ANXA4: variants seen among roughly 807,000 people sequenced by gnomAD.
ANXA4 encodes 35-beta calcimedin.
Under a neutral mutation model 49.8 loss-of-function variants are expected in ANXA4, and 39 were observed. The observed-to-expected ratio is 0.78, with a 90% confidence interval of 0.61 to 1.02. ANXA4 has a LOEUF of 1.02. ANXA4 is among the 50% of genes least tolerant of loss of function. The probability of loss-of-function intolerance (pLI) is 0.00; values close to 1 mark genes in which losing one functional copy is unlikely to be tolerated. For synonymous variants in ANXA4, 134 were observed against 152.5 expected, an observed-to-expected ratio of 0.88 and a Z score of 0.89; for missense variants, 360 against 410.1, an observed-to-expected ratio of 0.88 and a Z score of 1.05.
chr2:69,807,207 G>A (rs1441048890), intron 5 of ANXA4, among the ~76,000 whole-genome samples: 1 of 151,986 alleles, frequency 6.6e-6, no homozygotes, highest in African/African-American at 2.4e-5. Flanking sequence ...TATAATTGTC[G>A]CTTTTAGTAC....
chr2:69,809,770 G>C (rs892742213), intron 6 of ANXA4: 1 of 152,200 alleles, frequency 6.6e-6, no homozygotes, highest in African/African-American at 2.4e-5. Context: ...GAGCCACTGC[G>C]CTCGGCCGTG....
intron 8 of ANXA4, among the ~76,000 whole-genome samples, chr2:69,813,758 C>CTCTCTT (rs1294748742): frequency 2.4e-5 from 2 of 82,028 alleles, no homozygotes; most frequent in Non-Finnish European, 5.1e-5. Flanking sequence ...CTCTCTCTCT[C>CTCTCTT]TTTTTTTTTT....
intron 1 of ANXA4, among the ~76,000 whole-genome samples, chr2:69,757,011 CCA>C (rs1017625660): frequency 6.7e-6 from 1 of 149,496 alleles, no homozygotes; most frequent in African/African-American, 2.4e-5. Flanking sequence ...ACTACAACCT[CCA>C]CCTCCTAATT....
At chr2:69,646,403 T>C (rs542894616) in intron 1 of ANXA4, among the ~76,000 whole-genome samples, 30 of 152,348 alleles carry the variant, frequency 2.0e-4, no homozygotes, top group African/African-American at 7.2e-4. Flanking sequence ...ATAGTTTACA[T>C]AGAGTGTGTT....
intron 2 of ANXA4, among the ~76,000 whole-genome samples, chr2:69,681,823 G>A (rs1344581815): frequency 2.0e-5 from 3 of 150,536 alleles, no homozygotes; most frequent in Non-Finnish European, 4.4e-5. Flanking sequence ...CTAATTTGGG[G>A]TTTGGATTGT....
chr2:69,752,190 C>A (rs909725868), intron 1 of ANXA4, among the ~76,000 whole-genome samples: 2 of 152,110 alleles, frequency 1.3e-5, no homozygotes, highest in Non-Finnish European at 2.9e-5. Context: ...TTACAGCAGG[C>A]AAGTCCCAGA....
At chr2:69,773,756 C>T (rs1198104327) in intron 1 of ANXA4, among the ~76,000 whole-genome samples, 4 of 151,248 alleles carry the variant, frequency 2.6e-5, no homozygotes, top group East Asian at 1.9e-4. Flanking sequence ...CTCAGCCTCC[C>T]GAGTATCTGG....
chr2:69,716,593 C>T, intron 2 of ANXA4, among the ~76,000 whole-genome samples: 1 of 152,064 alleles, frequency 6.6e-6, no homozygotes, highest in East Asian at 1.9e-4. Context: ...GGGTTTCAAG[C>T]AGTGGTGTGA....
intron 2 of ANXA4, among the ~76,000 whole-genome samples, chr2:69,709,642 C>T (rs566314852): frequency 6.6e-6 from 1 of 152,194 alleles, no homozygotes; most frequent in African/African-American, 2.4e-5. Flanking sequence ...ATGGCAACCT[C>T]GCTAGGTAAC....
chr2:69,774,459 C>T (rs1671885758), intron 1 of ANXA4, among the ~76,000 whole-genome samples: 1 of 151,418 alleles, frequency 6.6e-6, no homozygotes, highest in African/African-American at 2.4e-5. Flanking sequence ...CTGCCTCAGC[C>T]TTCCGAGTAG....
intron 10 of ANXA4, 129 bp downstream of exon 10, chr2:69,818,823 T>C: frequency 1.7e-6 from 1 of 603,426 alleles, no homozygotes. Flanking sequence ...TCATGTTACA[T>C]TCCAGATTTT....
At chr2:69,733,697 C>T (rs999892857) in intron 3 of ANXA4, among the ~76,000 whole-genome samples, 1 of 151,656 alleles carries the variant, frequency 6.6e-6, no homozygotes, top group Non-Finnish European at 1.5e-5. Context: ...TTAATTCTGC[C>T]TTATGAATAA....
intron 3 of ANXA4, among the ~76,000 whole-genome samples, chr2:69,800,180 G>GCTGCCCATCT (rs1336091841): frequency 2.6e-5 from 4 of 152,336 alleles, no homozygotes; most frequent in East Asian, 3.9e-4. Flanking sequence ...GTTCTATGCT[G>GCTGCCCATCT]CTGCCCATCT....
intron 7 of ANXA4, among the ~76,000 whole-genome samples, chr2:69,812,349 A>T (rs1404121019): frequency 1.3e-5 from 2 of 151,902 alleles, no homozygotes; most frequent in Non-Finnish European, 2.9e-5. Flanking sequence ...GACACAGGAG[A>T]GTGGGGTGGT....
At chr2:69,649,603 CTTTTTTTTTTT>C (rs766975640) in intron 1 of ANXA4, among the ~76,000 whole-genome samples, 5 of 70,670 alleles carry the variant, frequency 7.1e-5, no homozygotes, top group South Asian at 4.7e-4. Flanking sequence ...GATTTTCTTT[CTTTTTTTTTTT>C]TTTTTTTTTT....
chr2:69,795,837 C>T (rs1672919591), intron 3 of ANXA4, among the ~76,000 whole-genome samples: 1 of 152,138 alleles, frequency 6.6e-6, no homozygotes, highest in African/African-American at 2.4e-5. Context: ...TTTAAGAAGG[C>T]ATGTGTAAAT....
At chr2:69,744,449 T>C (rs970595074) in intron 1 of ANXA4, among the ~76,000 whole-genome samples, 3 of 152,228 alleles carry the variant, frequency 2.0e-5, no homozygotes, top group Non-Finnish European at 4.4e-5. Flanking sequence ...AAAAATTGTA[T>C]ACCTTTTAAA....
At chr2:69,788,819 CAG>C (rs1672537627) in intron 3 of ANXA4, among the ~76,000 whole-genome samples, 1 of 119,038 alleles carries the variant, frequency 8.4e-6, no homozygotes, top group South Asian at 2.7e-4. Context: ...GGCTGGGCGA[CAG>C]AGCGAGACTC....
rs55865861 is a variant in ANXA4 at position 69,679,229 on chromosome 2, T to G, written n.766+25947T>G. On this transcript the variant is annotated intron_variant and non_coding_transcript_variant, in intron 2 of 3. Coordinates refer to the ANXA4 transcript ENST00000418066. Reference sequence around the variant, plus strand: ...ACAGCTCATTGCAGCCTCAACCTCCTGGGCTCAAGTGATCCTCCCACCTCA... The same window carrying G: ...ACAGCTCATTGCAGCCTCAACCTCCGGGGCTCAAGTGATCCTCCCACCTCA... Among the ~76,000 whole-genome samples the G allele has an allele frequency of 5.2e-3, 796 of 152,210 alleles. 9 individuals are homozygous for G. The highest frequency in any genetic ancestry group is 0.018 in the African/African-American group (748 of 41,544).
Sources: gnomAD v4.1 joint callset for allele counts (sites outside exome capture counted in the v4.1 genomes callset) on GRCh38, gnomAD v4.1.1 for gene constraint, MANE v1.5 for transcripts, NCBI Gene and HGNC (gene_info 2026-07-23, HGNC 2026-07-21) for gene names.